ZNF584: variants seen among roughly 807,000 people sequenced by gnomAD.
The protein encoded by ZNF584 is zinc finger protein 584.
ZNF584 carries 12 observed loss-of-function variants against 14.7 expected under a neutral mutation model. The observed-to-expected ratio is 0.82, with a 90% CI of 0.52 to 1.32. The LOEUF is 1.32. Ranked by LOEUF, ZNF584 falls within the 40% of genes most tolerant of loss-of-function variation. The pLI, the probability that ZNF584 is intolerant of heterozygous loss-of-function variation, is 0.00. For missense variants in ZNF584, 478 were observed against 518.8 expected (o/e 0.92, Z 0.76); for synonymous variants, 204 against 190.9 (o/e 1.07, Z -0.57).
upstream of ZNF584, chr19:58,408,427 G>C (rs1015694515): frequency 6.6e-6 from 1 of 152,248 alleles, no homozygotes; most frequent in Non-Finnish European, 1.5e-5. Context: ...GACCAGCGGA[G>C]ACTCCTCCAC....
chr19:58,410,538 T>C lies in ZNF584; in HGVS notation c.169+447T>C, dbSNP rs1347121827. On this transcript the variant is annotated intron_variant, in intron 2 of 3. Transcript: ENST00000306910. ...TGGGAAATATATATATATATATATATATATATATATATATATATATGTGTA... is the reference window on the plus strand; with the variant it reads ...TGGGAAATATATATATATATATATACATATATATATATATATATATGTGTA... 1.6e-3 allele frequency among the ~76,000 whole-genome samples: 40 copies of C among 24,878 alleles called. 4 individuals carry two copies. The highest frequency in any genetic ancestry group is 0.018 in the Middle Eastern group (2 of 114). 16.3% of individuals were successfully genotyped at this position (24,878 alleles called of 152,430 possible). A position where few individuals can be genotyped will look rare whatever the true frequency, so the allele number is the denominator to read the frequency against.
At chr19:58,406,943 A>C (rs573434160), upstream of ZNF584, 2 of 152,534 alleles carry the variant, frequency 1.3e-5, no homozygotes, top group South Asian at 4.1e-4. Context: ...AGGACTGAGG[A>C]TATGGGGTCA....
chr19:58,415,188 C>T (rs149826065), intron 2 of ZNF584, among the ~76,000 whole-genome samples: 119 of 152,038 alleles, frequency 7.8e-4, no homozygotes, highest in African/African-American at 2.8e-3. Context: ...CCACTGCGCC[C>T]GGCCTGTTTG....
chr19:58,403,170 C>T (rs76185722), intron 1 of ZNF584, among the ~76,000 whole-genome samples: 140 of 152,330 alleles, frequency 9.2e-4, no homozygotes, highest in African/African-American at 3.3e-3. Context: ...AATCACACTC[C>T]TGGGTATTTG....
At chr19:58,405,134 G>T (rs1287454504), upstream of ZNF584, 1,710 of 105,634 alleles carry the variant, frequency 0.016, 16 homozygotes, top group Non-Finnish European at 0.024. Flanking sequence ...GAGGCGCCCC[G>T]CACCTCCCGG....
At chr19:58,408,577 C>A (rs1014565007), upstream of ZNF584, 3 of 152,522 alleles carry the variant, frequency 2.0e-5, no homozygotes, top group Non-Finnish European at 2.9e-5. Flanking sequence ...TCTGAACGGC[C>A]CCACGTCGAG....
intron 1 of ZNF584, among the ~76,000 whole-genome samples, chr19:58,402,992 G>T (rs948963431): frequency 9.9e-5 from 15 of 152,144 alleles, no homozygotes; most frequent in African/African-American, 3.6e-4. Flanking sequence ...ACATCTATTA[G>T]AATGGCTACA....
intron 3 of ZNF584, chr19:58,416,554 C>T (rs887618568): frequency 1.6e-5 from 5 of 320,660 alleles, no homozygotes; most frequent in Non-Finnish European, 2.9e-5. Context: ...AGGCATGCAT[C>T]ACCACACCCG....
upstream of ZNF584, chr19:58,407,366 T>C (rs3826683): frequency 0.18 from 27,267 of 152,272 alleles, 2,676 homozygotes; most frequent in Non-Finnish European, 0.22. Flanking sequence ...CAGGACCCAG[T>C]GGGCCCACAC....
rs768314652 is a variant in ZNF584 at position 58,410,082 on chromosome 19, A to G, written c.160A>G (p.Ser54Gly). 5.6e-6 allele frequency: 9 copies of G among 1,610,586 alleles called. No individual in the cohort carries two copies. The highest frequency in any genetic ancestry group is 6.8e-6 in the Non-Finnish European group (8 of 1,178,326). The change falls in exon 2 of 4, where the codon AGC becomes GGC. Residue 54 changes from serine to glycine, a missense_variant. This residue lies in a region of ZNF584 where 189 missense variants were observed against 177.9 expected (regional missense o/e 1.06). Coordinates refer to ENST00000306910, the MANE Select transcript of ZNF584 (RefSeq NM_173548.3). ...DVMLENFALV[S>G]SLGLAPSRSP... is the part of the protein sequence containing the mutation. Reference sequence around the variant, plus strand: ...GATGCTGGAGAACTTTGCACTCGTTAGCTCACTGGGTAAGTCTCTTACACT... The same window carrying G: ...GATGCTGGAGAACTTTGCACTCGTTGGCTCACTGGGTAAGTCTCTTACACT...
Position 58,408,751 on chromosome 19 carries a change from A to T in ZNF584, c.-397A>T. The T allele has an allele frequency of 5.8e-6, 1 of 173,600 alleles. No individual in the cohort carries two copies. Among genetic ancestry groups the T allele is most frequent in the Non-Finnish European group, 1.2e-5 (1 of 83,054 alleles). 10.8% of individuals were successfully genotyped at this position (173,600 alleles called of 1,614,324 possible). A position where few individuals can be genotyped will look rare whatever the true frequency, so the allele number is the denominator to read the frequency against. On this transcript the variant is annotated 5_prime_UTR_variant, in exon 1 of 4. Transcript: ENST00000306910. ...AGGCGCGGGCCACGGGAGTTCCGGG[A>T]GTTCCGGCGTTGCCCGGCAGTCCGC...
chr19:58,410,129 C>T, intron 2 of ZNF584, 38 bp downstream of exon 2: 3 of 1,559,934 alleles, frequency 1.9e-6, no homozygotes, highest in African/African-American at 1.4e-5. Context: ...CACTGACTAC[C>T]CCCTCATTTT....
At chr19:58,402,498 T>C (rs1222532627) in intron 1 of ZNF584, among the ~76,000 whole-genome samples, 1 of 152,146 alleles carries the variant, frequency 6.6e-6, no homozygotes, top group Admixed American at 6.5e-5. Context: ...TAAAAAACAA[T>C]TTACATACCA....
At chr19:58,408,422 G>C (rs1453318844), upstream of ZNF584, 1 of 152,318 alleles carries the variant, frequency 6.6e-6, no homozygotes, top group Non-Finnish European at 1.5e-5. Flanking sequence ...CTGCGGACCA[G>C]CGGAGACTCC....
intron 3 of ZNF584, chr19:58,416,068 C>A: frequency 8.7e-7 from 1 of 1,149,802 alleles, no homozygotes; most frequent in South Asian, 1.5e-5. Flanking sequence ...CAAGGCCCTG[C>A]TGAAACCCTT....
chr19:58,402,020 A>C (rs1403156492), intron 1 of ZNF584, among the ~76,000 whole-genome samples: 1 of 151,438 alleles, frequency 6.6e-6, no homozygotes, highest in African/African-American at 2.4e-5. Context: ...AGTGAGCCGA[A>C]ATCGCGCCAC....
rs1568584594 is a variant in ZNF584 at position 58,410,597 on chromosome 19, ATATATGTATATATATGTG to A, written c.169+512_169+529del. Among the ~76,000 whole-genome samples the A allele has an allele frequency of 2.5e-3, 98 of 38,778 alleles. 11 individuals carry two copies. Among genetic ancestry groups the A allele is most frequent in the African/African-American group, 0.023 (89 of 3,950 alleles). 25.4% of individuals were successfully genotyped at this position (38,778 alleles called of 152,430 possible). ...TGTATATATATGTATATATATGTAT[ATATATGTATATATATGTG>A]TATATATGTGTATATATGTGTATAT... On this transcript the variant is annotated intron_variant, in intron 2 of 3. Coordinates refer to ENST00000306910, the MANE Select transcript of ZNF584 (RefSeq NM_173548.3).
chr19:58,416,179 G>A, intron 3 of ZNF584: 1 of 449,642 alleles, frequency 2.2e-6, no homozygotes, highest in Non-Finnish European at 4.0e-6. Flanking sequence ...TAGTCTGGTG[G>A]AGCCATATTC....
At chr19:58,408,275 C>CG (rs1168315512), upstream of ZNF584, 1 of 152,386 alleles carries the variant, frequency 6.6e-6, no homozygotes, top group Non-Finnish European at 1.5e-5. Context: ...CGAACGCCCC[C>CG]GCGCGGCGCG....
Sources: allele counts gnomAD v4.1 joint callset (sites outside exome capture counted in the v4.1 genomes callset), GRCh38; gene constraint gnomAD v4.1.1; regional missense constraint gnomAD v4.1.1; transcripts MANE v1.5; gene names NCBI Gene and HGNC (gene_info 2026-07-23, HGNC 2026-07-21).